The following NTM variants were observed in gnomAD, a reference collection of about 807,000 sequenced individuals.
NTM encodes the protein IgLON family member 2.
A neutral mutation model predicts 42.1 loss-of-function variants in NTM; 13 were observed. The ratio of observed to expected loss-of-function variants is 0.31; its 90% CI spans 0.20 to 0.49. The LOEUF (loss-of-function observed/expected upper bound fraction) is 0.49, where lower values mean the gene tolerates loss of function less well. Ranked by LOEUF, NTM falls within the 20% of genes least tolerant of loss-of-function variation. NTM has a pLI of 0.99. For synonymous variants in NTM, 187 were observed against 179.2 expected (o/e 1.04, Z -0.35); for missense variants, 373 against 452.8 (o/e 0.82, Z 1.60).
At chr11:132,319,675 G>C (rs573893517) in intron 7 of NTM, among the ~76,000 whole-genome samples, 2 of 152,376 alleles carry the variant, frequency 1.3e-5, no homozygotes, top group South Asian at 4.1e-4. Context: ...GCCTGCCTCT[G>C]TAGGCTCCAC....
intron 1 of NTM, among the ~76,000 whole-genome samples, chr11:131,538,853 A>T (rs1277048822): frequency 6.6e-6 from 1 of 151,630 alleles, no homozygotes; most frequent in Non-Finnish European, 1.5e-5. Context: ...AAAATTGCTA[A>T]GAGAGTAAAT....
intron 1 of NTM, among the ~76,000 whole-genome samples, chr11:131,751,685 G>A (rs545410977): frequency 2.6e-5 from 4 of 151,946 alleles, no homozygotes; most frequent in East Asian, 1.9e-4. Flanking sequence ...GCTTGAACCC[G>A]GGAGGCAGAG....
intron 2 of NTM, among the ~76,000 whole-genome samples, chr11:132,028,003 T>C (rs2075406464): frequency 6.6e-6 from 1 of 152,160 alleles, no homozygotes; most frequent in African/African-American, 2.4e-5. Flanking sequence ...TCCAGTCTAT[T>C]GATCCATGGC....
At chr11:132,290,504 C>T (rs754132108) in intron 4 of NTM, among the ~76,000 whole-genome samples, 1 of 151,692 alleles carries the variant, frequency 6.6e-6, no homozygotes, top group South Asian at 2.1e-4. Context: ...TTTAATAGAC[C>T]CTGTGCATAA....
chr11:131,526,638 G>A (rs1205118829), intron 1 of NTM, among the ~76,000 whole-genome samples: 4 of 152,144 alleles, frequency 2.6e-5, no homozygotes, highest in African/African-American at 7.2e-5. Flanking sequence ...GGAGAGATGA[G>A]GCCAATTGAT....
chr11:131,946,892 A>G (rs1367010587), intron 2 of NTM, among the ~76,000 whole-genome samples: 4 of 152,224 alleles, frequency 2.6e-5, no homozygotes, highest in Admixed American at 6.5e-5. Context: ...ACAGGCTACC[A>G]TGAGTATCTT....
chr11:132,202,269 G>A lies in NTM; in HGVS notation c.401-9753G>A, dbSNP rs757459434. On this transcript the variant is annotated intron_variant, in intron 3 of 8. Coordinates refer to ENST00000683400, the MANE Select transcript of NTM (RefSeq NM_001352005.2). ...TGGGGAATCATGCCTTAGGAGTTAC[G>A]GTGAGGATTTACAAGGGAGCAGCAA... Among the ~76,000 whole-genome samples, 16 of 152,262 alleles carry A rather than the reference G, an allele frequency of 1.1e-4. No individual in the cohort carries two copies. In the East Asian group the frequency reaches 1.9e-3, roughly 18 times the overall value.
At chr11:131,643,511 G>C (rs2065395234) in intron 1 of NTM, among the ~76,000 whole-genome samples, 2 of 152,176 alleles carry the variant, frequency 1.3e-5, no homozygotes, top group African/African-American at 4.8e-5. Context: ...CTTTGCCCTG[G>C]ATCAGTAGTC....
chr11:132,116,517 C>T (rs891411489), intron 2 of NTM, among the ~76,000 whole-genome samples: 8 of 152,158 alleles, frequency 5.3e-5, no homozygotes, highest in African/African-American at 1.7e-4. Context: ...TACATGAGTG[C>T]CCGCACCTCT....
At chr11:131,702,621 T>C (rs912999880) in intron 1 of NTM, among the ~76,000 whole-genome samples, 3 of 152,152 alleles carry the variant, frequency 2.0e-5, no homozygotes, top group Admixed American at 1.3e-4. Flanking sequence ...AAATGAACCA[T>C]CTCTCTAATA....
At chr11:132,283,957 C>T (rs2094117040) in intron 4 of NTM, among the ~76,000 whole-genome samples, 1 of 152,178 alleles carries the variant, frequency 6.6e-6, no homozygotes, top group African/African-American at 2.4e-5. Flanking sequence ...TTTTCCTGGC[C>T]TCCTCTCCTC....
intron 3 of NTM, among the ~76,000 whole-genome samples, chr11:132,207,114 C>G (rs148517196): frequency 6.6e-6 from 1 of 152,272 alleles, no homozygotes; most frequent in African/African-American, 2.4e-5. Context: ...GCAAGGGTCT[C>G]CAAACCTCAG....
chr11:132,334,870 C>A, intron 8 of NTM, 176 bp from the exon 9 acceptor site: 3 of 587,012 alleles, frequency 5.1e-6, no homozygotes, highest in Non-Finnish European at 6.4e-6. Flanking sequence ...GTGTGTGTGT[C>A]TTGGGGATGT....
At chr11:132,239,854 A>G (rs73040282) in intron 4 of NTM, among the ~76,000 whole-genome samples, 1 of 152,304 alleles carries the variant, frequency 6.6e-6, no homozygotes, top group Non-Finnish European at 1.5e-5. Flanking sequence ...TCACTAATTT[A>G]TTTTCATATT....
chr11:132,037,734 A>G (rs773006080), intron 2 of NTM, among the ~76,000 whole-genome samples: 3 of 152,212 alleles, frequency 2.0e-5, no homozygotes, highest in Non-Finnish European at 4.4e-5. Context: ...CCTCCAATGA[A>G]AACACCTTGC....
intron 1 of NTM, chr11:131,771,130 G>A (rs2086016382): frequency 6.6e-6 from 1 of 151,954 alleles, no homozygotes; most frequent in Non-Finnish European, 1.5e-5. Flanking sequence ...AAAAAGTTCG[G>A]CCATAAAAAA....
intron 1 of NTM, among the ~76,000 whole-genome samples, chr11:131,414,008 C>A (rs1946697071): frequency 6.6e-6 from 1 of 152,158 alleles, no homozygotes; most frequent in Non-Finnish European, 1.5e-5. Flanking sequence ...CCCTAACTAG[C>A]TATGTAATTT....
At chr11:131,911,313 A>G in intron 1 of NTM, 1 of 1,451,204 alleles carries the variant, frequency 6.9e-7, no homozygotes, top group Non-Finnish European at 9.1e-7. Context: ...GGGGAGGAAT[A>G]TTAGACTCGG....
intron 2 of NTM, among the ~76,000 whole-genome samples, chr11:132,045,152 C>T (rs942523836): frequency 1.3e-5 from 2 of 152,180 alleles, no homozygotes; most frequent in African/African-American, 4.8e-5. Flanking sequence ...TGTTTCATAT[C>T]AGGCTGTCTG....
Sources: allele counts gnomAD v4.1 joint callset (sites outside exome capture counted in the v4.1 genomes callset), GRCh38; gene constraint gnomAD v4.1.1; transcripts MANE v1.5; gene names NCBI Gene and HGNC (gene_info 2026-07-23, HGNC 2026-07-21).